Variants in SETD5 observed in about 807,000 individuals in gnomAD.
SETD5 encodes the protein SET domain containing 5.
In SETD5, 44 loss-of-function variants were observed where a neutral mutation model predicts 153.3. The observed-to-expected ratio is 0.29, with a 90% CI of 0.23 to 0.37. The LOEUF (loss-of-function observed/expected upper bound fraction) is 0.37, where lower values mean the gene tolerates loss of function less well. SETD5 is among the 10% of genes least tolerant of loss of function. The pLI is 1.00. For synonymous variants in SETD5, 716 were observed against 645.2 expected, an observed-to-expected ratio of 1.11 and a Z score of -1.66; for missense variants, 1,544 against 1,768.0, an observed-to-expected ratio of 0.87 and a Z score of 2.27.
chr3:9,417,819 AT>A (rs1559367462), intron 1 of SETD5, among the ~76,000 whole-genome samples: 4 of 139,102 alleles, frequency 2.9e-5, no homozygotes, highest in African/African-American at 1.1e-4. Context: ...TTTATTCTTT[AT>A]TTTTTTCCCC....
intron 7 of SETD5, 151 bp from the exon 8 acceptor site, chr3:9,440,305 A>G (rs1232863170): frequency 8.4e-6 from 5 of 598,664 alleles, no homozygotes; most frequent in African/African-American, 5.6e-5. Context: ...GATAGAAACC[A>G]GATCCTCTGA....
chr3:9,461,515 AAATAAT>A (rs970503720), intron 17 of SETD5, among the ~76,000 whole-genome samples: 28 of 152,166 alleles, frequency 1.8e-4, no homozygotes, highest in African/African-American at 4.3e-4. Flanking sequence ...TAAAGGTGAA[AAATAAT>A]AATAATAAAA....
At position 9,434,799 on chromosome 3, in the gene SETD5, C is replaced by CTT. The variant is rs1015665703; in HGVS notation, c.330-23_330-22dup. Reference sequence around the variant, plus strand: ...GTGATGCATGCTGTTGGAAGGACTACTTTAAGTTTATTTTCCCTCTTTAGG... The same window carrying CTT: ...GTGATGCATGCTGTTGGAAGGACTACTTTTTAAGTTTATTTTCCCTCTTTAGG... On this transcript the variant is annotated intron_variant, in intron 5 of 22. Coordinates refer to ENST00000402198, the MANE Select transcript of SETD5 (RefSeq NM_001080517.3). This position sits in a 1 kb window ranked among gnomAD's most constrained non-coding sequence, Gnocchi z 5.6. The CTT allele has an allele frequency of 6.2e-7, 1 of 1,606,616 alleles. No homozygotes were observed. Among genetic ancestry groups the CTT allele is most frequent in the African/African-American group, 1.3e-5 (1 of 74,768 alleles).
chr3:9,441,697 C>T lies in SETD5; in HGVS notation c.915C>T (p.Val305=), dbSNP rs778885919. The T allele has an allele frequency of 6.2e-7, 1 of 1,613,932 alleles. No homozygotes were observed. Among genetic ancestry groups the T allele is most frequent in the Non-Finnish European group, 8.5e-7 (1 of 1,179,858 alleles). The change falls in exon 9 of 23, where the codon GTC becomes GTT. Residue 305 remains valine (V), a synonymous_variant. Coordinates refer to ENST00000402198, the MANE Select transcript of SETD5 (RefSeq NM_001080517.3). ...TTATAATAGAGTATCGTGGGAAAGT[C>T]ATGTTACGACAGCAATTTGAGGTCA... ...DTLIIEYRGK[V]MLRQQFEVNG...
chr3:9,444,180 C>T (rs1414431291), intron 11 of SETD5, among the ~76,000 whole-genome samples: 3 of 152,174 alleles, frequency 2.0e-5, no homozygotes, highest in Admixed American at 6.5e-5. Flanking sequence ...TGTTATCTAG[C>T]TGTATATGAC....
intron 3 of SETD5, chr3:9,431,151 T>C: frequency 1.0e-6 from 1 of 985,468 alleles, no homozygotes; most frequent in Non-Finnish European, 1.2e-6. Flanking sequence ...CTATATGCAA[T>C]ACGCATTTAT....
chr3:9,425,078 T>TTTTTTA (rs2038976046), intron 2 of SETD5, among the ~76,000 whole-genome samples: 6 of 146,178 alleles, frequency 4.1e-5, no homozygotes, highest in African/African-American at 1.6e-4. Context: ...TTTTTTTTTT[T>TTTTTTA]GAGACAGAGT....
intron 17 of SETD5, among the ~76,000 whole-genome samples, chr3:9,456,818 C>G (rs2043307200): frequency 1.3e-5 from 2 of 151,300 alleles, no homozygotes; most frequent in Admixed American, 1.3e-4. Context: ...ACTAAAAATA[C>G]AAAAAAAATT....
At chr3:9,416,904 G>A (rs2037553658) in intron 1 of SETD5, among the ~76,000 whole-genome samples, 1 of 151,154 alleles carries the variant, frequency 6.6e-6, no homozygotes, top group Non-Finnish European at 1.5e-5. Context: ...GGTTTTCTCT[G>A]GTTTTATATT....
chr3:9,434,372 G>C lies in SETD5; in HGVS notation c.216G>C (p.Ser72=), dbSNP rs781152314. ...IPRSDLNGLP[S]PVEERCGDSP... ...GTTCTGACCTGAATGGCCTGCCGTC[G>C]CCTGTAGAGGAACGCTGTGGAGACA... Residue 72 remains serine (S), a synonymous_variant, in exon 5 of 23, where the codon TCG becomes TCC. Coordinates refer to ENST00000402198, the MANE Select transcript of SETD5 (RefSeq NM_001080517.3). This position sits in a 1 kb window ranked among gnomAD's most constrained non-coding sequence, Gnocchi z 5.6. 10 of 1,613,714 alleles carry C rather than the reference G, an allele frequency of 6.2e-6. No individual in the cohort carries two copies. Among genetic ancestry groups the C allele is most frequent in the Non-Finnish European group, 8.5e-6 (10 of 1,179,836 alleles).
chr3:9,436,005 T>A, intron 7 of SETD5, 99 bp downstream of exon 7: 1 of 1,168,918 alleles, frequency 8.6e-7, no homozygotes, highest in Non-Finnish European at 1.2e-6. Context: ...TTGATCCAGG[T>A]GTTTGAAGGG....
In SETD5 at chr3:9,470,755, G is replaced by A; in HGVS notation, c.3021G>A (p.Gly1007=). The A allele has an allele frequency of 6.2e-7, 1 of 1,613,976 alleles. No homozygotes were observed. The highest frequency in any genetic ancestry group is 1.6e-4 in the Middle Eastern group (1 of 6,062). ...TGTATCGAGGATCTCCTCTAGTGGG[G>A]GATAGGAAGCCTTTACATTTGGATG... ...DGLYRGSPLV[G]DRKPLHLDGG... Residue 1007 remains glycine, a synonymous_variant, in exon 19 of 23, where the codon GGG becomes GGA. Transcript: ENST00000402198.
At chr3:9,410,205 G>T (rs2036344592) in intron 1 of SETD5, among the ~76,000 whole-genome samples, 1 of 152,210 alleles carries the variant, frequency 6.6e-6, no homozygotes, top group Non-Finnish European at 1.5e-5. Context: ...ACTATACGCA[G>T]TTGTAACACA....
intron 1 of SETD5, among the ~76,000 whole-genome samples, chr3:9,412,203 T>C (rs1202255218): frequency 6.6e-6 from 1 of 152,066 alleles, no homozygotes; most frequent in Non-Finnish European, 1.5e-5. Flanking sequence ...TTGTTGTTTT[T>C]TGTTTTTCTT....
chr3:9,470,348 C>G (rs1169785922), intron 18 of SETD5, 111 bp from the exon 19 acceptor site: 12 of 789,870 alleles, frequency 1.5e-5, no homozygotes, highest in Non-Finnish European at 2.6e-5. Flanking sequence ...TGCTCTACTT[C>G]CGTCCCTCTT....
At chr3:9,410,742 AG>A (rs2125518357) in intron 1 of SETD5, among the ~76,000 whole-genome samples, 1 of 152,258 alleles carries the variant, frequency 6.6e-6, no homozygotes, top group Admixed American at 6.5e-5. Flanking sequence ...ATTTCCTTCT[AG>A]ATTTTTCACT....
At chr3:9,431,209 A>G (rs2039923278) in intron 3 of SETD5, 1 of 985,298 alleles carries the variant, frequency 1.0e-6, no homozygotes, top group Non-Finnish European at 1.2e-6. Flanking sequence ...AAGCAAAACA[A>G]AGATTTTTCT....
chr3:9,463,681 T>A (rs948417196), intron 17 of SETD5, among the ~76,000 whole-genome samples: 1 of 152,024 alleles, frequency 6.6e-6, no homozygotes, highest in Non-Finnish European at 1.5e-5. Flanking sequence ...CAAGGAATCA[T>A]ATAAGAATAG....
rs116834487 is a variant in SETD5 at position 9,442,081 on chromosome 3, C to T, written c.960-47C>T. 2.9e-4 allele frequency: 388 copies of T among 1,321,602 alleles called. No homozygotes were observed. The African/African-American group carries it at 5.3e-3, about 18-fold the overall frequency. 81.9% of individuals were successfully genotyped at this position (1,321,602 alleles called of 1,614,324 possible). Reference sequence around the variant, plus strand: ...TTCATATTTGGAGTCATGGGGTGGCCTTCTTATTTGTGTTGAGAATTACAG... The same window carrying T: ...TTCATATTTGGAGTCATGGGGTGGCTTTCTTATTTGTGTTGAGAATTACAG... On this transcript the variant is annotated intron_variant, in intron 9 of 22. Coordinates refer to ENST00000402198, the MANE Select transcript of SETD5 (RefSeq NM_001080517.3).
Sources: gnomAD v4.1 joint callset for allele counts (sites outside exome capture counted in the v4.1 genomes callset) on GRCh38, gnomAD v4.1.1 for gene constraint, Gnocchi (gnomAD v3.1) non-coding constraint, MANE v1.5 for transcripts, NCBI Gene and HGNC (gene_info 2026-07-23, HGNC 2026-07-21) for gene names.